Variants in NMBR observed in about 807,000 individuals in gnomAD.
NMBR encodes the protein neuromedin B receptor.
A neutral mutation model predicts 20.5 loss-of-function variants in NMBR; 16 were observed. The observed-to-expected ratio is 0.78, with a 90% CI of 0.53 to 1.19. The LOEUF (loss-of-function observed/expected upper bound fraction) is 1.19, where lower values mean the gene tolerates loss of function less well. Ranked by LOEUF, NMBR falls within the 50% of genes most tolerant of loss-of-function variation. The pLI, the probability that NMBR is intolerant of heterozygous loss-of-function variation, is 0.00. For synonymous variants in NMBR, 212 were observed against 196.6 expected (o/e 1.08, Z -0.65); for missense variants, 582 against 499.1 (o/e 1.17, Z -1.58).
intron 1 of NMBR, among the ~76,000 whole-genome samples, chr6:142,142,148 T>C (rs1376905651): frequency 6.6e-6 from 1 of 152,070 alleles, no homozygotes; most frequent in African/African-American, 2.4e-5. Context: ...TTGAAAGACA[T>C]AAACAAAAAA....
intron 2 of NMBR, 22 bp downstream of exon 2, chr6:142,088,215 T>A (rs1297143390): frequency 6.3e-7 from 1 of 1,599,036 alleles, no homozygotes; most frequent in Non-Finnish European, 8.5e-7. Context: ...TCCAAGCCAC[T>A]CACAGCTACC....
chr6:142,109,814 G>T (rs1325524831), intron 1 of NMBR, among the ~76,000 whole-genome samples: 1 of 152,012 alleles, frequency 6.6e-6, no homozygotes, highest in East Asian at 1.9e-4. Flanking sequence ...CTTATGAATG[G>T]GATTGATGCC....
intron 1 of NMBR, among the ~76,000 whole-genome samples, chr6:142,092,233 AC>A (rs575189539): frequency 1.6e-3 from 243 of 152,208 alleles, no homozygotes; most frequent in Non-Finnish European, 2.8e-3. Flanking sequence ...ACAGAAAAAA[AC>A]ATTAATGGAA....
At chr6:142,101,308 T>C (rs1332058516) in intron 1 of NMBR, among the ~76,000 whole-genome samples, 2 of 152,158 alleles carry the variant, frequency 1.3e-5, no homozygotes, top group African/African-American at 4.8e-5. Context: ...AACCTTAAAA[T>C]ATATAAGGAA....
chr6:142,083,727 C>T (rs1362118930), intron 2 of NMBR, among the ~76,000 whole-genome samples: 1 of 152,116 alleles, frequency 6.6e-6, no homozygotes, highest in Non-Finnish European at 1.5e-5. Context: ...GCTTGCTTCC[C>T]CTTCACCCTT....
rs9496273 is a variant in NMBR at position 142,101,576 on chromosome 6, A to T, written c.-663-12255T>A. Among the ~76,000 whole-genome samples the T allele has an allele frequency of 9.9e-3, 1,500 of 152,232 alleles. 20 individuals are homozygous for T. Among genetic ancestry groups the T allele is most frequent in the African/African-American group, 0.033 (1,363 of 41,526 alleles). ...ATCTCCTGTTTACAGGAGAAAAACA[A>T]AACTTGGTTTGTTCTAGGATCGATC... On this transcript the variant is annotated intron_variant, in intron 1 of 3. Transcript: ENST00000258042.
intron 1 of NMBR, among the ~76,000 whole-genome samples, chr6:142,106,806 G>A (rs1195946788): frequency 6.6e-6 from 1 of 152,164 alleles, no homozygotes; most frequent in Non-Finnish European, 1.5e-5. Context: ...AAAATACAGT[G>A]CCCAAGTAAA....
chr6:142,079,620 A>T (rs1192350413), intron 2 of NMBR, among the ~76,000 whole-genome samples: 1 of 152,176 alleles, frequency 6.6e-6, no homozygotes, highest in Non-Finnish European at 1.5e-5. Flanking sequence ...TTTTCTAAGG[A>T]CATTAATGAA....
chr6:142,113,024 A>T (rs530504262), intron 1 of NMBR, among the ~76,000 whole-genome samples: 3 of 152,224 alleles, frequency 2.0e-5, no homozygotes, highest in Non-Finnish European at 2.9e-5. Context: ...ATGTAAAAGC[A>T]TTATTCCATA....
chr6:142,123,055 G>A (rs1420767825), intron 1 of NMBR, among the ~76,000 whole-genome samples: 2 of 151,898 alleles, frequency 1.3e-5, no homozygotes, highest in Non-Finnish European at 2.9e-5. Flanking sequence ...GATAGATCTG[G>A]TCAAAGTAAA....
intron 1 of NMBR, among the ~76,000 whole-genome samples, chr6:142,145,912 A>C (rs1260158554): frequency 6.6e-6 from 1 of 152,248 alleles, no homozygotes; most frequent in Non-Finnish European, 1.5e-5. Context: ...GCTGCGGTTG[A>C]GAATCAAGAA....
In NMBR at chr6:142,077,963, C is replaced by T. The variant is rs143783329; in HGVS notation, c.771+592G>A. On this transcript the variant is annotated intron_variant, in intron 3 of 3. Coordinates refer to ENST00000258042, the MANE Select transcript of NMBR (RefSeq NM_002511.4). Reference sequence around the variant, plus strand: ...GTGCATGATGTAATTTTTAAATGAGCGTATTATCTTTGTAGGGAAAGTTAC... The same window carrying T: ...GTGCATGATGTAATTTTTAAATGAGTGTATTATCTTTGTAGGGAAAGTTAC... Among the ~76,000 whole-genome samples, 524 of 152,262 alleles carry T rather than the reference C, an allele frequency of 3.4e-3. 4 individuals carry two copies. The highest frequency in any genetic ancestry group is 0.012 in the African/African-American group (503 of 41,544).
intron 1 of NMBR, chr6:142,134,623 C>A (rs1562247860): frequency 2.9e-6 from 2 of 682,322 alleles, no homozygotes; most frequent in Non-Finnish European, 5.3e-6. Flanking sequence ...AGAATGCATT[C>A]TTCAAAAGCC....
chr6:142,140,279 A>T (rs1778343526), intron 1 of NMBR, among the ~76,000 whole-genome samples: 2 of 152,164 alleles, frequency 1.3e-5, no homozygotes, highest in Non-Finnish European at 2.9e-5. Flanking sequence ...CGGCAAATCA[A>T]ATCAAGTGTA....
At chr6:142,139,110 T>G (rs1778321296) in intron 1 of NMBR, among the ~76,000 whole-genome samples, 1 of 152,182 alleles carries the variant, frequency 6.6e-6, no homozygotes, top group African/African-American at 2.4e-5. Flanking sequence ...CACTGCCATA[T>G]GAAACAGGTT....
In NMBR at chr6:142,075,046, TTTC is replaced by T. The variant is rs1265497467; in HGVS notation, c.*599_*601del. Among the ~76,000 whole-genome samples the T allele has an allele frequency of 6.6e-5, 10 of 151,960 alleles. No individual in the cohort carries two copies. The highest frequency in any genetic ancestry group is 1.9e-4 in the East Asian group (1 of 5,160). ...TTGATTAAGCTCCACCTTTGAATTT[TTTC>T]TTATTTTCTTAAAATGAAGGACGTG... On this transcript the variant is annotated 3_prime_UTR_variant, in exon 4 of 4. Coordinates refer to ENST00000258042, the MANE Select transcript of NMBR (RefSeq NM_002511.4).
chr6:142,083,372 A>G (rs1486047552), intron 2 of NMBR, among the ~76,000 whole-genome samples: 1 of 152,224 alleles, frequency 6.6e-6, no homozygotes, highest in African/African-American at 2.4e-5. Context: ...ACATTTTGTG[A>G]AAGTATGGGT....
chr6:142,115,641 GT>G (rs1777838691), intron 1 of NMBR, among the ~76,000 whole-genome samples: 2 of 135,440 alleles, frequency 1.5e-5, no homozygotes, highest in Admixed American at 1.5e-4. Context: ...TAGTGTAGAA[GT>G]GGTGGAAATG....
Position 142,088,430 on chromosome 6 carries a change from C to T in NMBR, c.229G>A (p.Val77Ile). The T allele has an allele frequency of 1.9e-6, 3 of 1,614,054 alleles. No homozygotes were observed. Among genetic ancestry groups the T allele is most frequent in the Non-Finnish European group, 2.5e-6 (3 of 1,180,020 alleles). ...IFITNSAMRS[V>I]PNIFISNLAA... ...AGGTTAGAGATGAAGATGTTGGGGA[C>T]GCTCCTCATGGCGCTGTTGGTGATG... is the stretch of plus-strand genomic sequence containing the variant. Residue 77 changes from valine (V) to isoleucine (I), a missense_variant, in exon 2 of 4, where the codon GTC (valine) becomes ATC (isoleucine). By Grantham distance (29) the Val-to-Ile change is conservative (BLOSUM62 3). Transcript: ENST00000258042.
Sources: allele counts gnomAD v4.1 joint callset (sites outside exome capture counted in the v4.1 genomes callset), GRCh38; gene constraint gnomAD v4.1.1; transcripts MANE v1.5; gene names NCBI Gene and HGNC (gene_info 2026-07-23, HGNC 2026-07-21).